The following STX18 variants were observed in gnomAD, a reference collection of about 807,000 sequenced individuals.
STX18 encodes syntaxin-18.
In STX18, 40 loss-of-function variants were observed where a neutral mutation model predicts 50.1. That is an observed-to-expected ratio of 0.80 (90% CI 0.62 to 1.04). The LOEUF (loss-of-function observed/expected upper bound fraction) is 1.04. Among genes scored for constraint, STX18 ranks in the 50% least tolerant of loss-of-function variants. The pLI, the probability that STX18 is intolerant of heterozygous loss-of-function variation, is 0.00. For synonymous variants in STX18, 158 were observed against 151.8 expected (o/e 1.04, Z -0.30); for missense variants, 410 against 415.8 (o/e 0.99, Z 0.12).
chr4:4,517,676 C>T (rs1224558796), intron 1 of STX18, among the ~76,000 whole-genome samples: 1 of 152,028 alleles, frequency 6.6e-6, no homozygotes, highest in Admixed American at 6.6e-5. Context: ...TTTTAAAAAC[C>T]ACTAATTTCA....
intron 5 of STX18, among the ~76,000 whole-genome samples, chr4:4,440,076 T>TA (rs1298741137): frequency 1.3e-5 from 2 of 152,226 alleles, no homozygotes; most frequent in African/African-American, 4.8e-5. Context: ...AACTGGTTAA[T>TA]AAGAAAACGT....
intron 1 of STX18, among the ~76,000 whole-genome samples, chr4:4,479,323 T>A (rs1399207867): frequency 2.0e-5 from 3 of 152,212 alleles, no homozygotes; most frequent in Non-Finnish European, 4.4e-5. Flanking sequence ...TTGGTATGTC[T>A]CAAACCGAGT....
chr4:4,502,177 G>A (rs1729489341), intron 1 of STX18, among the ~76,000 whole-genome samples: 1 of 152,108 alleles, frequency 6.6e-6, no homozygotes, highest in Non-Finnish European at 1.5e-5. Context: ...AAGCACTATA[G>A]GCAAAAGGGA....
intron 1 of STX18, among the ~76,000 whole-genome samples, chr4:4,479,586 A>T (rs1728357777): frequency 6.6e-6 from 1 of 152,222 alleles, no homozygotes; most frequent in African/African-American, 2.4e-5. Flanking sequence ...TTTAAACTCC[A>T]TTCTAAAACT....
At chr4:4,467,018 A>G (rs1245269582) in intron 2 of STX18, among the ~76,000 whole-genome samples, 2 of 152,140 alleles carry the variant, frequency 1.3e-5, no homozygotes, top group Non-Finnish European at 2.9e-5. Flanking sequence ...GGTGGGGGCC[A>G]TAAGACCAGA....
intron 1 of STX18, among the ~76,000 whole-genome samples, chr4:4,498,062 A>T (rs758945723): frequency 2.6e-5 from 4 of 152,208 alleles, no homozygotes; most frequent in Non-Finnish European, 5.9e-5. Context: ...AAACAGTCAC[A>T]TAAGACTTTA....
At chr4:4,439,112 C>CACATA (rs1725954171) in intron 5 of STX18, among the ~76,000 whole-genome samples, 1 of 98,342 alleles carries the variant, frequency 1.0e-5, no homozygotes. Flanking sequence ...ACACACATAC[C>CACATA]CCCACATGTA....
intron 1 of STX18, among the ~76,000 whole-genome samples, chr4:4,507,962 C>T (rs1449332678): frequency 3.3e-5 from 5 of 152,126 alleles, no homozygotes; most frequent in Non-Finnish European, 1.5e-5. Context: ...GCCACAGAGG[C>T]GACCTCAGAA....
intron 1 of STX18, among the ~76,000 whole-genome samples, chr4:4,498,366 C>T (rs1289355042): frequency 2.6e-5 from 4 of 152,064 alleles, no homozygotes; most frequent in African/African-American, 4.8e-5. Flanking sequence ...ATATTACTGC[C>T]AATATATCAG....
chr4:4,438,317 C>T (rs1725898245), intron 6 of STX18, 77 bp downstream of exon 6: 2 of 1,126,636 alleles, frequency 1.8e-6, no homozygotes, highest in African/African-American at 1.6e-5. Flanking sequence ...GACTGTGCTA[C>T]TTCGTTCCTG....
rs1056112927 is a variant in STX18 at position 4,420,195 on chromosome 4, G to GC, written c.913-67dup. The stretch of plus-strand genomic sequence containing the variant: ...ATTTTGGTTTGAGCAGCCCTGAAAT[G>GC]CCCCCCTCTTCCCACGTGCTCTCCT... On this transcript the variant is annotated intron_variant, in intron 10 of 10. Transcript: ENST00000306200. The surrounding 1 kb of genome is among the most constrained non-coding windows in gnomAD (Gnocchi z 4.3). The GC allele has an allele frequency of 2.7e-5, 35 of 1,303,332 alleles. No individual in the cohort carries two copies. The highest frequency in any genetic ancestry group is 3.6e-5 in the Non-Finnish European group (33 of 926,918). 80.7% of individuals were successfully genotyped at this position (1,303,332 alleles called of 1,614,324 possible). A position where few individuals can be genotyped will look rare whatever the true frequency, so the allele number is the denominator to read the frequency against.
chr4:4,524,502 G>C (rs1374508742), intron 1 of STX18, among the ~76,000 whole-genome samples: 1 of 152,238 alleles, frequency 6.6e-6, no homozygotes, highest in Non-Finnish European at 1.5e-5. Context: ...GTAAGAGAAA[G>C]TGAAACCCAG....
intron 1 of STX18, among the ~76,000 whole-genome samples, chr4:4,481,401 A>C (rs577762407): frequency 6.6e-6 from 1 of 152,352 alleles, no homozygotes; most frequent in South Asian, 2.1e-4. Context: ...AGCATTGTTC[A>C]AGATTAAAGA....
chr4:4,419,329 T>A lies in STX18; in HGVS notation c.*705A>T, dbSNP rs1205620427. On this transcript the variant is annotated 3_prime_UTR_variant, in exon 11 of 11. Transcript: ENST00000306200. Reference sequence around the variant, plus strand: ...TGGCCCTCCCACACCCCCTGCCTGTTCTGGGGGCAGCAGTCTTTGGAGGAG... The same window carrying A: ...TGGCCCTCCCACACCCCCTGCCTGTACTGGGGGCAGCAGTCTTTGGAGGAG... 6.6e-6 allele frequency: 1 copy of A among 152,040 alleles called. No individual in the cohort carries two copies. Among genetic ancestry groups the A allele is most frequent in the African/African-American group, 2.4e-5 (1 of 41,332 alleles). 9.4% of individuals were successfully genotyped at this position (152,040 alleles called of 1,614,324 possible).
intron 7 of STX18, among the ~76,000 whole-genome samples, chr4:4,431,644 T>G (rs1725524265): frequency 6.6e-6 from 1 of 152,182 alleles, no homozygotes; most frequent in Non-Finnish European, 1.5e-5. Flanking sequence ...CTCTCATGAA[T>G]GTCCCACAGG....
rs117340312 is a variant in STX18 at position 4,482,285 on chromosome 4, C to T, written c.169-10579G>A. Among the ~76,000 whole-genome samples, 310 of 152,288 alleles carry T rather than the reference C, an allele frequency of 2.0e-3. 2 individuals are homozygous for T. The East Asian group carries it at 0.035, about 17-fold the overall frequency. ...ACATGAATTGTCCACCCAGCCGCTGCCTCCCTCCTGTGTTCAAGCTGAGTG... is the reference window on the plus strand; with the variant it reads ...ACATGAATTGTCCACCCAGCCGCTGTCTCCCTCCTGTGTTCAAGCTGAGTG... On this transcript the variant is annotated intron_variant, in intron 1 of 10. Transcript: ENST00000306200.
intron 3 of STX18, among the ~76,000 whole-genome samples, chr4:4,458,189 T>C (rs1239200726): frequency 6.6e-6 from 1 of 152,216 alleles, no homozygotes; most frequent in Non-Finnish European, 1.5e-5. Context: ...TCCTGATTTT[T>C]ACACGTGAAG....
intron 1 of STX18, among the ~76,000 whole-genome samples, chr4:4,537,512 A>G (rs972417590): frequency 1.5e-4 from 23 of 152,202 alleles, no homozygotes; most frequent in African/African-American, 5.5e-4. Flanking sequence ...GAGAGAGCAG[A>G]GGATCAAGCA....
chr4:4,511,600 T>C (rs879117367), intron 1 of STX18, among the ~76,000 whole-genome samples: 11 of 151,712 alleles, frequency 7.3e-5, no homozygotes, highest in South Asian at 2.1e-4. Context: ...GGGGAATCAA[T>C]AGTCCTTCTA....
Sources: allele counts gnomAD v4.1 joint callset (sites outside exome capture counted in the v4.1 genomes callset), GRCh38; gene constraint gnomAD v4.1.1; non-coding constraint Gnocchi (gnomAD v3.1); transcripts MANE v1.5; gene names NCBI Gene and HGNC (gene_info 2026-07-23, HGNC 2026-07-21).